The following SERPINB10 variants were observed in gnomAD, a reference collection of about 807,000 sequenced individuals.
SERPINB10 encodes the protein serpin B10.
In SERPINB10, 35 loss-of-function variants were observed where a neutral mutation model predicts 39.1. That is an observed-to-expected ratio of 0.90 (90% CI 0.68 to 1.19). The LOEUF is 1.19. Among genes scored for constraint, SERPINB10 ranks in the 50% most tolerant of loss-of-function variants. SERPINB10 has a pLI of 0.00. For missense variants in SERPINB10, 546 were observed against 460.5 expected (o/e 1.19, Z -1.70); for synonymous variants, 190 against 158.1 (o/e 1.20, Z -1.52).
intron 5 of SERPINB10, among the ~76,000 whole-genome samples, chr18:63,928,444 T>C (rs887959481): frequency 6.6e-6 from 1 of 152,090 alleles, no homozygotes; most frequent in Non-Finnish European, 1.5e-5. Flanking sequence ...TCAGTTTAAG[T>C]TGTAACTATA....
chr18:63,928,086 T>G (rs913678324), intron 5 of SERPINB10, among the ~76,000 whole-genome samples: 1 of 152,054 alleles, frequency 6.6e-6, no homozygotes, highest in Non-Finnish European at 1.5e-5. Context: ...TTTTTCAGAT[T>G]TTCTACTATT....
At chr18:63,921,131 G>A (rs187798860) in intron 5 of SERPINB10, among the ~76,000 whole-genome samples, 140 of 151,766 alleles carry the variant, frequency 9.2e-4, no homozygotes, top group African/African-American at 3.3e-3. Flanking sequence ...AAATACAAAG[G>A]CATCATCATT....
At chr18:63,917,793 A>T in intron 3 of SERPINB10, among the ~76,000 whole-genome samples, 172 bp from the exon 4 acceptor site, 1 of 152,044 alleles carries the variant, frequency 6.6e-6, no homozygotes, top group Non-Finnish European at 1.5e-5. Flanking sequence ...TTATGGCCTC[A>T]ATAACATTTC....
chr18:63,920,589 G>T (rs2050139755), intron 5 of SERPINB10, among the ~76,000 whole-genome samples: 1 of 151,980 alleles, frequency 6.6e-6, no homozygotes, highest in African/African-American at 2.4e-5. Flanking sequence ...AGAAATTTCA[G>T]CAAAAGCTAA....
chr18:63,934,364 G>A (rs1483446130), intron 7 of SERPINB10, among the ~76,000 whole-genome samples: 3 of 151,760 alleles, frequency 2.0e-5, no homozygotes, highest in African/African-American at 7.3e-5. Context: ...TTTCTTTTTT[G>A]ACTTAGTCTA....
At chr18:63,908,395 A>G (rs908223954) in intron 1 of SERPINB10, among the ~76,000 whole-genome samples, 2 of 152,092 alleles carry the variant, frequency 1.3e-5, no homozygotes, top group Non-Finnish European at 2.9e-5. Flanking sequence ...ACATAGGCAG[A>G]GATAAATAAA....
chr18:63,933,523 A>G (rs1256613321), intron 7 of SERPINB10, among the ~76,000 whole-genome samples: 1 of 152,224 alleles, frequency 6.6e-6, no homozygotes, highest in Non-Finnish European at 1.5e-5. Context: ...CAGTCACAGA[A>G]CTGTGTGGAT....
chr18:63,915,645 C>T lies in SERPINB10; in HGVS notation c.135C>T (p.Gly45=), dbSNP rs35980016. The T allele has an allele frequency of 6.6e-3, 10,624 of 1,611,366 alleles. 255 individuals carry two copies. In the African/African-American group the frequency reaches 0.069, roughly 10 times the overall value. The change falls in exon 2 of 8, where the codon GGC becomes GGT. Residue 45 remains glycine, a synonymous_variant. Coordinates refer to ENST00000238508, the MANE Select transcript of SERPINB10 (RefSeq NM_005024.3). ...CTTCCTTGACCATAGTGTATTTGGGCGCCAAAGGTACCACTGCAGCCCAAA... is the reference window on the plus strand; with the variant it reads ...CTTCCTTGACCATAGTGTATTTGGGTGCCAAAGGTACCACTGCAGCCCAAA... ...ISTSLTIVYL[G]AKGTTAAQMA...
In SERPINB10 at chr18:63,933,151, G is replaced by T; in HGVS notation, c.737G>T (p.Arg246Leu). 6.2e-7 allele frequency: 1 copy of T among 1,614,000 alleles called. No homozygotes were observed. The change falls in exon 7 of 8, where the codon CGT becomes CTT. Residue 246 changes from arginine to leucine, a missense_variant. By Grantham distance (102) the Arg-to-Leu change is moderately radical. Coordinates refer to ENST00000238508, the MANE Select transcript of SERPINB10 (RefSeq NM_005024.3). ...AVGLQLYYKS[R>L]DLSLLILLPE... The stretch of plus-strand genomic sequence containing the variant: ...GGCCTTCAACTCTACTACAAAAGCC[G>T]TGACCTCAGCCTGCTTATACTACTG...
At chr18:63,919,195 A>G (rs908640760) in intron 4 of SERPINB10, among the ~76,000 whole-genome samples, 2 of 150,556 alleles carry the variant, frequency 1.3e-5, no homozygotes, top group African/African-American at 4.9e-5. Context: ...GATGACTGCC[A>G]CTGGGTGAAC....
At chr18:63,934,720 CTGAG>C in intron 7 of SERPINB10, 114 bp from the exon 8 acceptor site, 1 of 1,023,398 alleles carries the variant, frequency 9.8e-7, no homozygotes, top group Non-Finnish European at 1.4e-6. Context: ...TGTTGTCACC[CTGAG>C]TAACGGGAGT....
intron 5 of SERPINB10, among the ~76,000 whole-genome samples, chr18:63,920,937 T>TCCTTATTTTA (rs1292644849): frequency 2.2e-4 from 33 of 151,964 alleles, no homozygotes; most frequent in South Asian, 6.2e-4. Context: ...TTTATTGTTA[T>TCCTTATTTTA]CCTTATTTTA....
chr18:63,915,752 C>A, intron 2 of SERPINB10, 74 bp downstream of exon 2: 2 of 1,244,140 alleles, frequency 1.6e-6, no homozygotes, highest in Non-Finnish European at 2.2e-6. Context: ...CTTCAGTTTT[C>A]TCTTGACAAC....
Position 63,917,482 on chromosome 18 carries a change from A to G in SERPINB10, c.195A>G (p.Gly65=). The G allele has an allele frequency of 6.3e-7, 1 of 1,585,048 alleles. No individual in the cohort carries two copies. The highest frequency in any genetic ancestry group is 8.6e-7 in the Non-Finnish European group (1 of 1,164,668). ...TGCTTCAATTTAACAGAGACCAGGG[A>G]GTCAAATGTGACCCTGAAAGTGAAA... is the stretch of plus-strand genomic sequence containing the variant. ...AQVLQFNRDQ[G]VKCDPESEKK... Residue 65 remains glycine (G), a synonymous_variant, in exon 3 of 8, where the codon GGA becomes GGG. Coordinates refer to ENST00000238508, the MANE Select transcript of SERPINB10 (RefSeq NM_005024.3).
At chr18:63,933,477 A>G (rs951300377) in intron 7 of SERPINB10, among the ~76,000 whole-genome samples, 2 of 152,208 alleles carry the variant, frequency 1.3e-5, no homozygotes. Context: ...CATCACACAC[A>G]TAGCCACATG....
chr18:63,913,734 A>G (rs1251535816), intron 1 of SERPINB10, among the ~76,000 whole-genome samples: 2 of 152,086 alleles, frequency 1.3e-5, no homozygotes, highest in African/African-American at 2.4e-5. Context: ...GATGAGAAGA[A>G]TGTATATTTT....
At chr18:63,916,924 A>G (rs898861724) in intron 2 of SERPINB10, among the ~76,000 whole-genome samples, 3 of 152,038 alleles carry the variant, frequency 2.0e-5, no homozygotes, top group African/African-American at 7.2e-5. Flanking sequence ...GTACAATTCC[A>G]AGGAAAGAAG....
chr18:63,925,135 C>A (rs974618019), intron 5 of SERPINB10, among the ~76,000 whole-genome samples: 2 of 151,804 alleles, frequency 1.3e-5, no homozygotes, highest in African/African-American at 4.8e-5. Flanking sequence ...ACAAATAAGG[C>A]AAAGACAAAG....
chr18:63,931,610 T>C (rs1226973267), intron 6 of SERPINB10, among the ~76,000 whole-genome samples: 1 of 152,222 alleles, frequency 6.6e-6, no homozygotes, highest in Admixed American at 6.5e-5. Context: ...GCTTGATTTT[T>C]AGAGCATTTT....
Sources: allele counts gnomAD v4.1 joint callset (sites outside exome capture counted in the v4.1 genomes callset), GRCh38; gene constraint gnomAD v4.1.1; transcripts MANE v1.5; gene names NCBI Gene and HGNC (gene_info 2026-07-23, HGNC 2026-07-21).